Variants in CRTC1 observed in about 807,000 individuals in gnomAD.
CRTC1 encodes CREB-regulated transcription coactivator 1.
In CRTC1, 18 loss-of-function variants were observed where a neutral mutation model predicts 66.1. That is an observed-to-expected ratio of 0.27 (90% confidence interval 0.19 to 0.40). CRTC1 has a LOEUF of 0.40. CRTC1 is among the 10% of genes least tolerant of loss of function. CRTC1 has a pLI of 1.00. For synonymous variants in CRTC1, 416 were observed against 398.8 expected, an observed-to-expected ratio of 1.04 and a Z score of -0.51; for missense variants, 669 against 887.9, an observed-to-expected ratio of 0.75 and a Z score of 3.13.
intron 1 of CRTC1, among the ~76,000 whole-genome samples, chr19:18,691,191 CA>C (rs35591757): frequency 0.031 from 3,640 of 118,608 alleles, 68 homozygotes; most frequent in Admixed American, 0.055. Flanking sequence ...GATCCTGTCT[CA>C]AAAAAAAAAA....
At position 18,771,404 on chromosome 19, in the gene CRTC1, AGCTGG is replaced by A; in HGVS notation, c.1321-33_1321-29del. 1 of 1,558,770 alleles carries A rather than the reference AGCTGG, an allele frequency of 6.4e-7. No homozygotes were observed. ...CAGGGACTGGAGCCCGGGCTTGGGC[AGCTGG>A]GCTGCGGCGTGCTGATCTGTCTGTC... is the stretch of plus-strand genomic sequence containing the variant. On this transcript the variant is annotated intron_variant, in intron 10 of 13. Coordinates refer to ENST00000321949, the MANE Select transcript of CRTC1 (RefSeq NM_015321.3). The surrounding 1 kb of genome is among the most constrained non-coding windows in gnomAD (Gnocchi z 4.6).
At chr19:18,761,664 C>G (rs1317832775) in intron 8 of CRTC1, among the ~76,000 whole-genome samples, 1 of 152,184 alleles carries the variant, frequency 6.6e-6, no homozygotes, top group Non-Finnish European at 1.5e-5. Flanking sequence ...GGGGCTCTGC[C>G]TGGAGACTCC....
intron 1 of CRTC1, among the ~76,000 whole-genome samples, chr19:18,691,391 G>A (rs183250113): frequency 3.7e-4 from 56 of 151,826 alleles, no homozygotes; most frequent in African/African-American, 1.2e-3. Flanking sequence ...GTGTGGTGGC[G>A]TGCACCTGTA....
At chr19:18,753,159 C>T (rs2054406039) in intron 5 of CRTC1, among the ~76,000 whole-genome samples, 1 of 151,812 alleles carries the variant, frequency 6.6e-6, no homozygotes, top group Admixed American at 6.6e-5. Flanking sequence ...ACCTGTAGTC[C>T]CAGCTACTTG....
At chr19:18,725,817 C>T (rs920055937) in intron 1 of CRTC1, among the ~76,000 whole-genome samples, 4 of 152,132 alleles carry the variant, frequency 2.6e-5, no homozygotes, top group East Asian at 1.9e-4. Flanking sequence ...TTACAGGGTC[C>T]GCCTCGGCCC....
intron 2 of CRTC1, 49 bp from the exon 3 acceptor site, chr19:18,745,774 A>G: frequency 6.2e-7 from 1 of 1,610,940 alleles, no homozygotes; most frequent in Non-Finnish European, 8.5e-7. Flanking sequence ...ACAGCTGGTA[A>G]CCATTGTTTG....
chr19:18,744,043 G>A lies in CRTC1; in HGVS notation c.243+1017G>A, dbSNP rs187261114. 3.8e-5 allele frequency: 60 copies of A among 1,567,892 alleles called. 1 individual carries two copies. The Middle Eastern group carries it at 5.0e-4, about 13-fold the overall frequency. On this transcript the variant is annotated intron_variant, in intron 2 of 13. Transcript: ENST00000321949. Reference sequence around the variant, plus strand: ...CCCACAGCCCGGGGGGAGGTCCCACGCATCCCGCCTTTGGGGCCAGGCAAG... The same window carrying A: ...CCCACAGCCCGGGGGGAGGTCCCACACATCCCGCCTTTGGGGCCAGGCAAG...
chr19:18,699,763 A>G (rs1485419473), intron 1 of CRTC1, among the ~76,000 whole-genome samples: 1 of 152,024 alleles, frequency 6.6e-6, no homozygotes, highest in Admixed American at 6.6e-5. Context: ...TGAGGGGTTG[A>G]GATCTGGTCC....
Position 18,768,771 on chromosome 19 carries a change from C to G in CRTC1, c.1298C>G (p.Ser433Trp). ...QSPPENPGQP[S>W]MGIDIASAPA... ...CCCCCAGAGAACCCTGGCCAGCCAT[C>G]GATGGGGATCGACATCGCCTCGGTA... The change falls in exon 10 of 14, where the codon TCG becomes TGG. Residue 433 changes from serine to tryptophan, a missense_variant. Ser to Trp is a radical substitution (Grantham distance 177). Around this residue, in one of 8 missense-constraint regions of CRTC1, gnomAD observed 241 missense variants for 242.2 expected, o/e 0.99. Transcript: ENST00000321949. The surrounding 1 kb of genome is among the most constrained non-coding windows in gnomAD (Gnocchi z 5.6). 1.2e-6 allele frequency: 2 copies of G among 1,601,946 alleles called. No individual in the cohort carries two copies. Among genetic ancestry groups the G allele is most frequent in the Non-Finnish European group, 1.7e-6 (2 of 1,175,418 alleles).
intron 1 of CRTC1, among the ~76,000 whole-genome samples, chr19:18,733,668 G>C (rs1164848987): frequency 6.6e-6 from 1 of 152,230 alleles, no homozygotes; most frequent in Non-Finnish European, 1.5e-5. Flanking sequence ...ATGCAGCGAG[G>C]GGTCAGCTCA....
chr19:18,778,857 C>G lies in CRTC1; in HGVS notation c.*1475C>G, dbSNP rs1315037878. On this transcript the variant is annotated 3_prime_UTR_variant, in exon 14 of 14. Coordinates refer to ENST00000321949, the MANE Select transcript of CRTC1 (RefSeq NM_015321.3). ...ACCCTACCCTCTGGCTCCTAGCCCA[C>G]ACCCCCTCTCTTGGGCAGCGTGGTC... 4.3e-6 allele frequency: 1 copy of G among 231,488 alleles called. No individual in the cohort carries two copies. Among genetic ancestry groups the G allele is most frequent in the Non-Finnish European group, 8.5e-6 (1 of 116,978 alleles). The allele number at this position is 231,488 out of a possible 1,614,324, so 14.3% of individuals were successfully genotyped here. A position where few individuals can be genotyped will look rare whatever the true frequency, so the allele number is the denominator to read the frequency against.
At position 18,775,839 on chromosome 19, in the gene CRTC1, G is replaced by A. The variant is rs2054975599; in HGVS notation, c.1693+18G>A. The A allele has an allele frequency of 1.3e-6, 2 of 1,553,868 alleles. No homozygotes were observed. Among genetic ancestry groups the A allele is most frequent in the East Asian group, 2.3e-5 (1 of 44,090 alleles). On this transcript the variant is annotated intron_variant, in intron 13 of 13. Coordinates refer to ENST00000321949, the MANE Select transcript of CRTC1 (RefSeq NM_015321.3). ...CCTCACAGGTGAGGCCAGGCCGGGG[G>A]CGCGTGTGCGGCGCCCCAAGGGGCC...
chr19:18,778,490 G>A lies in CRTC1; in HGVS notation c.*1108G>A. On this transcript the variant is annotated 3_prime_UTR_variant, in exon 14 of 14. Transcript: ENST00000321949. ...TGTAAGAAGTGAGTCCGGCTTTTGG[G>A]TTTCACCCCAAGTTATCTCAAAACA... 1 of 231,896 alleles carries A rather than the reference G, an allele frequency of 4.3e-6. No homozygotes were observed. Among genetic ancestry groups the A allele is most frequent in the Non-Finnish European group, 8.5e-6 (1 of 117,226 alleles). 14.4% of individuals were successfully genotyped at this position (231,896 alleles called of 1,614,324 possible). A position where few individuals can be genotyped will look rare whatever the true frequency, so the allele number is the denominator to read the frequency against.
At chr19:18,756,003 C>T (rs532508453) in intron 6 of CRTC1, among the ~76,000 whole-genome samples, 72 of 152,022 alleles carry the variant, frequency 4.7e-4, no homozygotes, top group Non-Finnish European at 7.1e-4. Flanking sequence ...CACAAAGAGT[C>T]ACTGAGATTT....
chr19:18,768,630 C>A lies in CRTC1; in HGVS notation c.1157C>A (p.Pro386Gln), dbSNP rs757507816. The A allele has an allele frequency of 5.9e-6, 9 of 1,514,422 alleles. No homozygotes were observed. In the Admixed American group the frequency reaches 6.0e-5, roughly 10 times the overall value. The allele number at this position is 1,514,422 out of a possible 1,614,324, so 93.8% of individuals were successfully genotyped here. A position where few individuals can be genotyped will look rare whatever the true frequency, so the allele number is the denominator to read the frequency against. The change falls in exon 10 of 14, where the codon CCA becomes CAA. Residue 386 changes from proline (P) to glutamine (Q), a missense_variant. Physicochemically the swap from Pro to Gln is moderately conservative, Grantham distance 76 (BLOSUM62 -1). Transcript: ENST00000321949. This position sits in a 1 kb window ranked among gnomAD's most constrained non-coding sequence, Gnocchi z 5.6. ...ASQQPPPPPP[P>Q]QAPVRLPPGG... Reference sequence around the variant, plus strand: ...CAGCAGCCACCACCCCCGCCACCCCCACAGGCGCCCGTCCGCCTGCCCCCT... The same window carrying A: ...CAGCAGCCACCACCCCCGCCACCCCAACAGGCGCCCGTCCGCCTGCCCCCT...
chr19:18,744,686 C>A (rs528622793), intron 2 of CRTC1, among the ~76,000 whole-genome samples: 1 of 152,318 alleles, frequency 6.6e-6, no homozygotes, highest in South Asian at 2.1e-4. Flanking sequence ...CCCTGAGGAG[C>A]CTGTGCACTG....
rs2055067883 is a variant in CRTC1 at position 18,779,788 on chromosome 19, G to A, written c.*2406G>A. 3.6e-5 allele frequency: 8 copies of A among 223,866 alleles called. No homozygotes were observed. The highest frequency in any genetic ancestry group is 7.1e-5 in the Non-Finnish European group (8 of 112,266). 13.9% of individuals were successfully genotyped at this position (223,866 alleles called of 1,614,324 possible). A position where few individuals can be genotyped will look rare whatever the true frequency, so the allele number is the denominator to read the frequency against. ...ACATTGTGTTAACGTGACGACCTTG[G>A]TCCATTATGGAGTTCTTTTTCCAAT... is the stretch of plus-strand genomic sequence containing the variant. On this transcript the variant is annotated 3_prime_UTR_variant, in exon 14 of 14. Transcript: ENST00000321949.
intron 1 of CRTC1, among the ~76,000 whole-genome samples, chr19:18,729,450 A>AT (rs2053837398): frequency 6.7e-6 from 1 of 150,234 alleles, no homozygotes. Context: ...AAAAAAAAAA[A>AT]GAAGTTGGTT....
intron 1 of CRTC1, among the ~76,000 whole-genome samples, chr19:18,696,289 G>A (rs996468386): frequency 1.3e-5 from 2 of 149,648 alleles, no homozygotes; most frequent in African/African-American, 4.9e-5. Context: ...CCTGTGTGCC[G>A]AGGAAGGGGC....
Sources: allele counts gnomAD v4.1 joint callset (sites outside exome capture counted in the v4.1 genomes callset), GRCh38; gene constraint gnomAD v4.1.1; regional missense constraint gnomAD v4.1.1; non-coding constraint Gnocchi (gnomAD v3.1); transcripts MANE v1.5; gene names NCBI Gene and HGNC (gene_info 2026-07-23, HGNC 2026-07-21).